TSEN54: variants seen among roughly 807,000 people sequenced by gnomAD.
The protein encoded by TSEN54 is tRNA-splicing endonuclease subunit Sen54.
A neutral mutation model predicts 61.9 loss-of-function variants in TSEN54; 55 were observed. The observed-to-expected ratio is 0.89, with a 90% CI of 0.72 to 1.11. The LOEUF is 1.11. Ranked by LOEUF, TSEN54 falls within the 50% of genes most tolerant of loss-of-function variation. The probability of loss-of-function intolerance (pLI) is 0.00; values close to 1 mark genes in which losing one functional copy is unlikely to be tolerated. For synonymous variants in TSEN54, 304 were observed against 288.7 expected, an observed-to-expected ratio of 1.05 and a Z score of -0.54; for missense variants, 760 against 687.7, an observed-to-expected ratio of 1.11 and a Z score of -1.18.
chr17:75,520,597 C>CAAAAAAAAAAAAAAAA (rs1555644338), intron 6 of TSEN54, among the ~76,000 whole-genome samples: 2 of 114,646 alleles, frequency 1.7e-5, no homozygotes, highest in Admixed American at 8.2e-5. Context: ...AAAAAAAAAG[C>CAAAAAAAAAAAAAAAA]AAACTTAAAT....
intron 5 of TSEN54, 21 bp from the exon 6 acceptor site, chr17:75,518,974 A>ATT (rs553358538): frequency 2.5e-5 from 32 of 1,259,062 alleles, no homozygotes; most frequent in South Asian, 9.2e-5. Flanking sequence ...CTGAGCTTTC[A>ATT]TTTTTTTTTT....
intron 5 of TSEN54, 103 bp from the exon 6 acceptor site, chr17:75,518,892 A>C: frequency 6.2e-7 from 1 of 1,600,258 alleles, no homozygotes; most frequent in Non-Finnish European, 8.5e-7. Context: ...GGGGGTGTAC[A>C]GGAGGGGCAG....
At position 75,523,744 on chromosome 17, in the gene TSEN54, C is replaced by A; in HGVS notation, c.1395C>A (p.Asn465Lys). The A allele has an allele frequency of 6.2e-7, 1 of 1,614,062 alleles. No homozygotes were observed. Among genetic ancestry groups the A allele is most frequent in the Non-Finnish European group, 8.5e-7 (1 of 1,179,986 alleles). Residue 465 changes from asparagine to lysine, a missense_variant, in exon 10 of 11, where the codon AAC (asparagine) becomes AAA (lysine). Coordinates refer to ENST00000333213, the MANE Select transcript of TSEN54 (RefSeq NM_207346.3). ...CTGTGGCCACATTCCGAAAGAATAACCCTGGCAAACCCTATGCCCGGATGT... is the reference window on the plus strand; with the variant it reads ...CTGTGGCCACATTCCGAAAGAATAAACCTGGCAAACCCTATGCCCGGATGT... ...ADAVATFRKNNPGKPYARMCI... is the reference protein window; with the variant it reads ...ADAVATFRKNKPGKPYARMCI...
chr17:75,521,890 C>T lies in TSEN54; in HGVS notation c.809C>T (p.Pro270Leu), dbSNP rs779566009. 7 of 1,609,408 alleles carry T rather than the reference C, an allele frequency of 4.3e-6. No individual in the cohort carries two copies. Among genetic ancestry groups the T allele is most frequent in the Non-Finnish European group, 5.9e-6 (7 of 1,178,408 alleles). The stretch of plus-strand genomic sequence containing the variant: ...GGGTCCCTGGGCCCCAGCCCTGGCC[C>T]GGCCAGGGAGGGGGTGGGGTGCAGC... ...LLGSLGPSPG[P>L]AREGVGCSWE... The change falls in exon 8 of 11, where the codon CCG becomes CTG. Residue 270 changes from proline to leucine, a missense_variant. Pro to Leu is a moderately conservative substitution (Grantham distance 98, BLOSUM62 -3). Around this residue, in one of 3 missense-constraint regions of TSEN54, gnomAD observed 667 missense variants for 577.8 expected, o/e 1.15. Coordinates refer to ENST00000333213, the MANE Select transcript of TSEN54 (RefSeq NM_207346.3).
intron 5 of TSEN54, 114 bp downstream of exon 5, chr17:75,517,769 G>A (rs1388001698): frequency 9.7e-6 from 9 of 927,298 alleles, no homozygotes; most frequent in Non-Finnish European, 1.0e-5. Flanking sequence ...CAGGGCAGAC[G>A]AGGGCTATGC....
intron 5 of TSEN54, chr17:75,518,755 G>C (rs1416562306): frequency 1.0e-6 from 1 of 985,220 alleles, no homozygotes; most frequent in African/African-American, 1.7e-5. Context: ...CAGTTTTTTT[G>C]GATTTGGCTA....
At chr17:75,519,131 T>G in intron 6 of TSEN54, 84 bp downstream of exon 6, 1 of 1,491,826 alleles carries the variant, frequency 6.7e-7, no homozygotes, top group Non-Finnish European at 9.4e-7. Flanking sequence ...GGCCTCTCCT[T>G]ACCTGGAACC....
intron 5 of TSEN54, among the ~76,000 whole-genome samples, chr17:75,518,318 G>A (rs981438527): frequency 6.6e-6 from 1 of 152,214 alleles, no homozygotes; most frequent in African/African-American, 2.4e-5. Context: ...GTATGGGAGT[G>A]CCATCAGAGT....
chr17:75,519,147 C>G, intron 6 of TSEN54, 100 bp downstream of exon 6: 1 of 1,394,060 alleles, frequency 7.2e-7, no homozygotes, highest in South Asian at 1.2e-5. Flanking sequence ...GAACCCTTGG[C>G]TGGAGTGCAG....
intron 6 of TSEN54, among the ~76,000 whole-genome samples, chr17:75,520,439 A>T (rs1180291519): frequency 8.3e-6 from 1 of 120,732 alleles, no homozygotes; most frequent in Non-Finnish European, 1.9e-5. Context: ...AAAAAAAATC[A>T]GCCAGGTGTG....
intron 9 of TSEN54, 76 bp downstream of exon 9, chr17:75,523,411 T>C: frequency 6.2e-7 from 1 of 1,611,730 alleles, no homozygotes; most frequent in Non-Finnish European, 8.5e-7. Flanking sequence ...GCTCCTGAAG[T>C]AGGGTGTAAA....
chr17:75,516,948 C>A, intron 2 of TSEN54, 38 bp downstream of exon 2: 1 of 1,542,044 alleles, frequency 6.5e-7, no homozygotes, highest in Non-Finnish European at 8.7e-7. Flanking sequence ...GAAGCGGGGG[C>A]GAGGCGGGCC....
In TSEN54 at chr17:75,521,907, G is replaced by C. The variant is rs901020121; in HGVS notation, c.826G>C (p.Gly276Arg). ...PSPGPAREGV[G>R]CSWESGRAEN... is the part of the protein sequence containing the mutation. The stretch of plus-strand genomic sequence containing the variant: ...CCCTGGCCCGGCCAGGGAGGGGGTG[G>C]GGTGCAGCTGGGAGAGTGGCAGAGC... Residue 276 changes from glycine (G) to arginine (R), a missense_variant, in exon 8 of 11, where the codon GGG becomes CGG. Transcript: ENST00000333213. 1.2e-6 allele frequency: 2 copies of C among 1,609,820 alleles called. No individual in the cohort carries two copies. Among genetic ancestry groups the C allele is most frequent in the Non-Finnish European group, 8.5e-7 (1 of 1,178,598 alleles).
At chr17:75,521,258 C>T in intron 6 of TSEN54, 151 bp from the exon 7 acceptor site, 1 of 714,226 alleles carries the variant, frequency 1.4e-6, no homozygotes, top group Non-Finnish European at 2.5e-6. Flanking sequence ...GCCTGTACCC[C>T]TCATGGGGGT....
intron 7 of TSEN54, 27 bp from the exon 8 acceptor site, chr17:75,521,678 G>A: frequency 6.2e-7 from 1 of 1,611,504 alleles, no homozygotes; most frequent in Non-Finnish European, 8.5e-7. Flanking sequence ...AGGGGCAGAT[G>A]TGCTGCTTTT....
chr17:75,524,261 G>A lies in TSEN54; in HGVS notation c.1431-1G>A. The A allele has an allele frequency of 6.2e-7, 1 of 1,614,168 alleles. No individual in the cohort carries two copies. Among genetic ancestry groups the A allele is most frequent in the Non-Finnish European group, 8.5e-7 (1 of 1,180,032 alleles). On this transcript the variant is annotated splice_acceptor_variant, in intron 10 of 10. Coordinates refer to ENST00000333213, the MANE Select transcript of TSEN54 (RefSeq NM_207346.3). LOFTEE classifies it high-confidence loss of function. ...CTCACTCTAACCCTTTGTCCCTGCA[G>A]ATTTGATGAGCCTGTCCCAGACCTC...
chr17:75,522,842 T>A (rs948671440), intron 8 of TSEN54: 1 of 267,100 alleles, frequency 3.7e-6, no homozygotes, highest in African/African-American at 2.3e-5. Flanking sequence ...TTTCAGTATA[T>A]GTTCCAAAAA....
chr17:75,522,841 A>G (rs751397100), intron 8 of TSEN54: 5 of 266,414 alleles, frequency 1.9e-5, no homozygotes, highest in African/African-American at 9.1e-5. Flanking sequence ...TTTTCAGTAT[A>G]TGTTCCAAAA....
chr17:75,520,827 G>C (rs913695845), intron 6 of TSEN54, among the ~76,000 whole-genome samples: 1 of 151,856 alleles, frequency 6.6e-6, no homozygotes, highest in Non-Finnish European at 1.5e-5. Context: ...GGTGGCACGC[G>C]CCTGTAGTCC....
Sources: allele counts gnomAD v4.1 joint callset (sites outside exome capture counted in the v4.1 genomes callset), GRCh38; gene constraint gnomAD v4.1.1; regional missense constraint gnomAD v4.1.1; transcripts MANE v1.5; gene names NCBI Gene and HGNC (gene_info 2026-07-23, HGNC 2026-07-21).